Variants in XPO4 observed in about 807,000 individuals in gnomAD.
The protein encoded by XPO4 is exportin 4, also known as exportin-4.
XPO4 carries 39 observed loss-of-function variants against 143.0 expected under a neutral mutation model. That is an observed-to-expected ratio of 0.27 (90% CI 0.21 to 0.36). XPO4 has a LOEUF of 0.36. Among genes scored for constraint, XPO4 ranks in the 10% least tolerant of loss-of-function variants. The pLI is 1.00. For synonymous variants in XPO4, 439 were observed against 474.0 expected, an observed-to-expected ratio of 0.93 and a Z score of 0.96; for missense variants, 907 against 1,348.0, an observed-to-expected ratio of 0.67 and a Z score of 5.12.
At position 20,807,653 on chromosome 13, in the gene XPO4, TA is replaced by T. The variant is rs780830719; in HGVS notation, c.1640-20del. ...AGGTAGCCTTCAGTTTAAAAAAAAT[TA>T]AAAATGAACACTTAACAAATCTACA... On this transcript the variant is annotated intron_variant, in intron 12 of 22. Transcript: ENST00000255305. 1 of 1,546,140 alleles carries T rather than the reference TA, an allele frequency of 6.5e-7. No homozygotes were observed.
intron 2 of XPO4, chr13:20,866,177 GAAGA>G (rs1244197666): frequency 1.0e-6 from 1 of 985,168 alleles, no homozygotes; most frequent in East Asian, 1.1e-4. Flanking sequence ...CTTCTGAAGT[GAAGA>G]AGTCTAAAAG....
rs142097933 is a variant in XPO4, at chr13:20,827,145, C to A, written c.762G>T (p.Ser254=). 3.1e-6 allele frequency: 5 copies of A among 1,613,820 alleles called. No homozygotes were observed. The South Asian group carries it at 4.4e-5, about 14-fold the overall frequency. ...CTGTTGGCTTCAACAGCACATTTTGCGAGGATTCAAACATAGCTATATAAT... is the reference window on the plus strand; with the variant it reads ...CTGTTGGCTTCAACAGCACATTTTGAGAGGATTCAAACATAGCTATATAAT... ...GRHYIAMFES[S]QNVLLKPTES... Residue 254 remains serine (S), a synonymous_variant, in exon 7 of 23, where the codon TCG becomes TCT. Transcript: ENST00000255305.
chr13:20,790,338 T>C (rs961381790), intron 19 of XPO4, 124 bp downstream of exon 19: 1 of 752,526 alleles, frequency 1.3e-6, no homozygotes, highest in African/African-American at 1.7e-5. Flanking sequence ...ATACAAAAAT[T>C]GTATCTTCAT....
Position 20,843,014 on chromosome 13 carries a change from A to G in XPO4, c.608T>C (p.Val203Ala), listed in dbSNP as rs75491924. The G allele has an allele frequency of 1.9e-6, 3 of 1,612,816 alleles. No homozygotes were observed. Among genetic ancestry groups the G allele is most frequent in the Non-Finnish European group, 2.5e-6 (3 of 1,179,198 alleles). The change falls in exon 6 of 23, where the codon GTT (valine) becomes GCT (alanine). Residue 203 changes from valine (V) to alanine (A), a missense_variant. Val to Ala is a moderately conservative substitution (Grantham distance 64). Transcript: ENST00000255305. ...CCTGCTGAACTCCTGCAGAACTTCA[A>G]CAGTTAACATGAAGATCTGACGAAG... ...EDLRQIFMLT[V>A]EVLQEFSRRE...
At chr13:20,852,950 G>A (rs9509400) in intron 4 of XPO4, 449,960 of 985,076 alleles carry the variant, frequency 0.46, 106,368 homozygotes, top group Non-Finnish European at 0.49. Context: ...ATGCTTTTGC[G>A]GTCAATTGAT....
intron 18 of XPO4, among the ~76,000 whole-genome samples, chr13:20,793,383 T>G (rs1448875693): frequency 6.6e-6 from 1 of 152,252 alleles, no homozygotes; most frequent in Non-Finnish European, 1.5e-5. Context: ...TTATTATGAC[T>G]TTAATCTTTT....
chr13:20,807,419 T>C, intron 13 of XPO4, 38 bp downstream of exon 13: 4 of 1,565,798 alleles, frequency 2.6e-6, no homozygotes, highest in South Asian at 1.2e-5. Context: ...TAAAACAGTA[T>C]AAAAATTACA....
At chr13:20,808,097 A>C (rs1446907155) in intron 12 of XPO4, among the ~76,000 whole-genome samples, 1 of 152,172 alleles carries the variant, frequency 6.6e-6, no homozygotes, top group Non-Finnish European at 1.5e-5. Context: ...AATTAATAGC[A>C]GTGTGACAAT....
Position 20,781,895 on chromosome 13 carries a change from A to G in XPO4, c.*1827T>C, listed in dbSNP as rs899818723. The G allele has an allele frequency of 1.3e-5, 2 of 152,198 alleles. No homozygotes were observed. The highest frequency in any genetic ancestry group is 2.9e-5 in the Non-Finnish European group (2 of 68,034). 9.4% of individuals were successfully genotyped at this position (152,198 alleles called of 1,614,324 possible). ...CACTTCAAGTTTTTTAAGGGGAAAA[A>G]AAAAACACCTAAAAATAAATGCATC... On this transcript the variant is annotated 3_prime_UTR_variant, in exon 23 of 23. Transcript: ENST00000255305.
intron 9 of XPO4, among the ~76,000 whole-genome samples, chr13:20,817,579 G>A (rs2137935248): frequency 6.6e-6 from 1 of 152,152 alleles, no homozygotes; most frequent in African/African-American, 2.4e-5. Flanking sequence ...ATACCTCAAT[G>A]CTATGAAGGC....
At chr13:20,836,715 G>A (rs1032816458) in intron 6 of XPO4, among the ~76,000 whole-genome samples, 3 of 152,200 alleles carry the variant, frequency 2.0e-5, no homozygotes, top group Admixed American at 6.5e-5. Context: ...TGAGTGTACA[G>A]CTCAATGGTT....
Position 20,808,601 on chromosome 13 carries a change from T to C in XPO4, c.1494-20A>G, listed in dbSNP as rs1166283547. 6.6e-7 allele frequency: 1 copy of C among 1,524,050 alleles called. No individual in the cohort carries two copies. The highest frequency in any genetic ancestry group is 1.4e-5 in the African/African-American group (1 of 72,920). The allele number at this position is 1,524,050 out of a possible 1,614,324, so 94.4% of individuals were successfully genotyped here. A position where few individuals can be genotyped will look rare whatever the true frequency, so the allele number is the denominator to read the frequency against. ...AATAAACTAAAAGAGAAGAAAACAG[T>C]AGCTTCATAAAGTTCAATAAGCAAA... On this transcript the variant is annotated intron_variant, in intron 11 of 22. Transcript: ENST00000255305.
intron 1 of XPO4, among the ~76,000 whole-genome samples, chr13:20,883,082 T>G (rs1171030498): frequency 2.0e-5 from 3 of 152,188 alleles, no homozygotes; most frequent in Non-Finnish European, 4.4e-5. Flanking sequence ...CTCTCTCCAA[T>G]TCTCCACTAT....
intron 6 of XPO4, among the ~76,000 whole-genome samples, chr13:20,838,779 A>C (rs899238246): frequency 2.6e-5 from 4 of 152,126 alleles, no homozygotes; most frequent in Admixed American, 2.0e-4. Context: ...CCACACAAAA[A>C]TTATAAATGA....
At position 20,862,819 on chromosome 13, in the gene XPO4, G is replaced by A; in HGVS notation, c.215C>T (p.Thr72Ile). ...TCGGACAACTGCTTCCATTATGGCTGTGGCAGCTTGAAAGAGGACATAGTC... is the reference window on the plus strand; with the variant it reads ...TCGGACAACTGCTTCCATTATGGCTATGGCAGCTTGAAAGAGGACATAGTC... ...KVDYVLFQAA[T>I]AIMEAVVREW... Residue 72 changes from threonine to isoleucine, a missense_variant, in exon 3 of 23, where the codon ACA becomes ATA. Thr to Ile is a moderately conservative substitution (Grantham distance 89). Coordinates refer to ENST00000255305, the MANE Select transcript of XPO4 (RefSeq NM_022459.5). 6.2e-7 allele frequency: 1 copy of A among 1,614,148 alleles called. No individual in the cohort carries two copies. The highest frequency in any genetic ancestry group is 8.5e-7 in the Non-Finnish European group (1 of 1,179,998).
intron 1 of XPO4, among the ~76,000 whole-genome samples, chr13:20,888,458 C>T (rs2060481230): frequency 6.6e-6 from 1 of 152,158 alleles, no homozygotes; most frequent in Non-Finnish European, 1.5e-5. Context: ...TCAATGGATG[C>T]TCCCACTTCA....
chr13:20,786,767 G>A (rs1163245569), intron 22 of XPO4, among the ~76,000 whole-genome samples, 198 bp downstream of exon 22: 1 of 152,172 alleles, frequency 6.6e-6, no homozygotes, highest in Non-Finnish European at 1.5e-5. Flanking sequence ...GCTTTGAACT[G>A]ACAAACAGCT....
At chr13:20,870,106 A>AAAAC (rs1203424644) in intron 1 of XPO4, among the ~76,000 whole-genome samples, 1 of 151,242 alleles carries the variant, frequency 6.6e-6, no homozygotes, top group East Asian at 1.9e-4. Context: ...AAAAAAAAAA[A>AAAAC]AGAATTGTGT....
At chr13:20,843,145 C>A in intron 5 of XPO4, 97 bp from the exon 6 acceptor site, 1 of 1,181,260 alleles carries the variant, frequency 8.5e-7, no homozygotes, top group Non-Finnish European at 1.2e-6. Context: ...TTAAAATTTC[C>A]AATGGAAAAC....
Sources: allele counts gnomAD v4.1 joint callset (sites outside exome capture counted in the v4.1 genomes callset), GRCh38; gene constraint gnomAD v4.1.1; transcripts MANE v1.5; gene names NCBI Gene and HGNC (gene_info 2026-07-23, HGNC 2026-07-21).